Variants in LRBA observed in about 807,000 individuals in gnomAD.
The protein encoded by LRBA is lipopolysaccharide-responsive and beige-like anchor protein.
A neutral mutation model predicts 330.0 loss-of-function variants in LRBA; 176 were observed. The observed-to-expected ratio is 0.53, with a 90% CI of 0.47 to 0.60. The LOEUF (loss-of-function observed/expected upper bound fraction) is 0.60. Ranked by LOEUF, LRBA falls within the 20% of genes least tolerant of loss-of-function variation. LRBA has a pLI of 0.00. For synonymous variants in LRBA, 1,230 were observed against 1,193.0 expected, an observed-to-expected ratio of 1.03 and a Z score of -0.64; for missense variants, 3,259 against 3,444.8, an observed-to-expected ratio of 0.95 and a Z score of 1.35.
intron 41 of LRBA, among the ~76,000 whole-genome samples, chr4:150,488,956 A>G (rs1455738214): frequency 1.5e-5 from 2 of 133,596 alleles, no homozygotes; most frequent in African/African-American, 5.5e-5. Flanking sequence ...TATATAACAT[A>G]TAATATATTA....
chr4:151,006,502 A>G (rs1744091896), intron 2 of LRBA, among the ~76,000 whole-genome samples: 1 of 152,162 alleles, frequency 6.6e-6, no homozygotes, highest in African/African-American at 2.4e-5. Flanking sequence ...GTACATCTAT[A>G]TAAGTATTAT....
At chr4:150,786,282 G>A (rs562260624) in intron 34 of LRBA, among the ~76,000 whole-genome samples, 17 of 143,292 alleles carry the variant, frequency 1.2e-4, no homozygotes, top group Non-Finnish European at 2.6e-4. Flanking sequence ...AGATGGAGTC[G>A]CCTGGGCTGG....
At chr4:150,821,501 G>A (rs1377837753) in intron 30 of LRBA, among the ~76,000 whole-genome samples, 1 of 151,354 alleles carries the variant, frequency 6.6e-6, no homozygotes, top group East Asian at 1.9e-4. Flanking sequence ...TTTTTCCCCT[G>A]AACAAGGGAT....
chr4:150,675,274 A>G (rs1782431512), intron 37 of LRBA, among the ~76,000 whole-genome samples: 1 of 152,196 alleles, frequency 6.6e-6, no homozygotes. Context: ...CCTGGGTTCA[A>G]ATGTTAACTA....
intron 40 of LRBA, among the ~76,000 whole-genome samples, chr4:150,537,916 C>T (rs1054176827): frequency 6.6e-6 from 1 of 152,076 alleles, no homozygotes; most frequent in African/African-American, 2.4e-5. Flanking sequence ...GATCACACCA[C>T]TGCACTGCAG....
intron 49 of LRBA, among the ~76,000 whole-genome samples, chr4:150,323,629 C>T (rs762876160): frequency 6.6e-6 from 1 of 152,206 alleles, no homozygotes; most frequent in African/African-American, 2.4e-5. Flanking sequence ...AATATCTGTC[C>T]CTCTAGTCTG....
intron 37 of LRBA, among the ~76,000 whole-genome samples, chr4:150,600,446 CA>C (rs1391505763): frequency 6.6e-6 from 1 of 151,966 alleles, no homozygotes; most frequent in Non-Finnish European, 1.5e-5. Context: ...GTACTTTTAT[CA>C]ATTAAAAACT....
intron 40 of LRBA, among the ~76,000 whole-genome samples, chr4:150,585,368 A>G (rs1170845311): frequency 6.6e-6 from 1 of 152,226 alleles, no homozygotes; most frequent in African/African-American, 2.4e-5. Flanking sequence ...AACTGCTTAT[A>G]TGCAATTCAA....
chr4:150,969,155 G>A (rs1693062513), intron 2 of LRBA, among the ~76,000 whole-genome samples: 1 of 152,200 alleles, frequency 6.6e-6, no homozygotes, highest in African/African-American at 2.4e-5. Context: ...AGATATACAA[G>A]GAGATTCACG....
intron 35 of LRBA, among the ~76,000 whole-genome samples, chr4:150,747,306 C>T (rs141496418): frequency 3.4e-4 from 52 of 152,318 alleles, no homozygotes; most frequent in African/African-American, 1.0e-3. Context: ...CCCCTACCAA[C>T]GTGTATCAGT....
At chr4:150,589,823 A>C (rs1056374007) in intron 39 of LRBA, among the ~76,000 whole-genome samples, 4 of 152,194 alleles carry the variant, frequency 2.6e-5, no homozygotes, top group Non-Finnish European at 5.9e-5. Context: ...AATGGATGTG[A>C]AGGAAAAGAC....
At chr4:150,389,911 ATTT>A (rs34355782) in intron 47 of LRBA, among the ~76,000 whole-genome samples, 24,475 of 111,698 alleles carry the variant, frequency 0.22, 2,436 homozygotes, top group Non-Finnish European at 0.29. Flanking sequence ...TTGTCTGGGT[ATTT>A]TTTTTTTTTT....
chr4:150,286,121 GC>G, intron 53 of LRBA, 87 bp from the exon 54 acceptor site: 6 of 909,020 alleles, frequency 6.6e-6, no homozygotes, highest in Non-Finnish European at 1.0e-5. Context: ...TTTCCATCAT[GC>G]CTATTTAATT....
intron 54 of LRBA, among the ~76,000 whole-genome samples, chr4:150,285,649 A>C (rs1344632034): frequency 6.6e-6 from 1 of 152,226 alleles, no homozygotes; most frequent in Non-Finnish European, 1.5e-5. Flanking sequence ...CAGTGCTGTG[A>C]AACAGAACTT....
chr4:150,500,455 T>C (rs1202528557), intron 40 of LRBA, among the ~76,000 whole-genome samples: 1 of 152,030 alleles, frequency 6.6e-6, no homozygotes, highest in African/African-American at 2.4e-5. Flanking sequence ...CGGGCGCCTG[T>C]AATCCCAGCT....
chr4:150,556,010 C>T (rs919947577), intron 40 of LRBA, among the ~76,000 whole-genome samples: 3 of 151,942 alleles, frequency 2.0e-5, no homozygotes, highest in African/African-American at 7.2e-5. Context: ...GTTATGTTGT[C>T]TGGGATGGTC....
rs772234837 is a variant in LRBA, at chr4:150,583,699, T to G, written c.6330+4349A>C. 7 of 1,613,390 alleles carry G rather than the reference T, an allele frequency of 4.3e-6. No homozygotes were observed. Among genetic ancestry groups the G allele is most frequent in the Non-Finnish European group, 5.1e-6 (6 of 1,179,842 alleles). On this transcript the variant is annotated intron_variant, in intron 40 of 56. Transcript: ENST00000651943. The surrounding 1 kb of genome is among the most constrained non-coding windows in gnomAD (Gnocchi z 9.8). ...CTACTCGCTGACCGGCAAGCAGAGC[T>G]CGGCAGAGAGCGACGCCTGGGTGCT...
At chr4:150,606,246 G>C (rs970765139) in intron 37 of LRBA, among the ~76,000 whole-genome samples, 4 of 152,130 alleles carry the variant, frequency 2.6e-5, no homozygotes, top group Admixed American at 2.0e-4. Context: ...GTAAAGTTAT[G>C]AGACTATCAA....
chr4:150,594,792 A>C (rs1289981460), intron 38 of LRBA, among the ~76,000 whole-genome samples: 1 of 152,018 alleles, frequency 6.6e-6, no homozygotes, highest in African/African-American at 2.4e-5. Context: ...GGTCCCCAAA[A>C]TGTAAAATTC....
Sources: gnomAD v4.1 joint callset for allele counts (sites outside exome capture counted in the v4.1 genomes callset) on GRCh38, gnomAD v4.1.1 for gene constraint, Gnocchi (gnomAD v3.1) non-coding constraint, MANE v1.5 for transcripts, NCBI Gene and HGNC (gene_info 2026-07-23, HGNC 2026-07-21) for gene names.